The following SREBF2 variants were observed in gnomAD, a reference collection of about 807,000 sequenced individuals.
SREBF2 encodes sterol regulatory element-binding protein 2.
SREBF2 carries 55 observed loss-of-function variants against 113.1 expected under a neutral mutation model. The observed-to-expected ratio is 0.49, with a 90% CI of 0.39 to 0.61. The LOEUF (loss-of-function observed/expected upper bound fraction) is 0.61, where lower values mean the gene tolerates loss of function less well. Among genes scored for constraint, SREBF2 ranks in the 20% least tolerant of loss-of-function variants. The pLI, the probability that SREBF2 is intolerant of heterozygous loss-of-function variation, is 0.00. For synonymous variants in SREBF2, 593 were observed against 605.7 expected (o/e 0.98, Z 0.31); for missense variants, 1,349 against 1,487.4 (o/e 0.91, Z 1.53).
intron 1 of SREBF2, among the ~76,000 whole-genome samples, chr22:41,848,932 A>G (rs148065802): frequency 2.0e-4 from 30 of 152,294 alleles, no homozygotes; most frequent in African/African-American, 7.2e-4. Flanking sequence ...AAGATTATAT[A>G]ACACAGTGTG....
chr22:41,899,005 C>A, intron 15 of SREBF2: 2 of 669,054 alleles, frequency 3.0e-6, no homozygotes, highest in Non-Finnish European at 5.0e-6. Flanking sequence ...ACAGTTGTCC[C>A]AGCAGCTGTC....
intron 9 of SREBF2, among the ~76,000 whole-genome samples, chr22:41,880,122 G>T (rs1254050779): frequency 1.3e-5 from 2 of 152,338 alleles, no homozygotes; most frequent in East Asian, 3.9e-4. Context: ...TAGCCCTGGG[G>T]TAAGGTCCAA....
At chr22:41,889,609 C>G (rs1354238091) in intron 11 of SREBF2, among the ~76,000 whole-genome samples, 3 of 151,778 alleles carry the variant, frequency 2.0e-5, no homozygotes, top group Admixed American at 2.0e-4. Context: ...CTCCTGAAAC[C>G]ACGAGTTTGA....
At chr22:41,876,678 A>C (rs2077200495) in intron 7 of SREBF2, among the ~76,000 whole-genome samples, 1 of 152,178 alleles carries the variant, frequency 6.6e-6, no homozygotes, top group African/African-American at 2.4e-5. Context: ...TCTTTGATCA[A>C]CTTCATTGAG....
chr22:41,860,167 C>A (rs1409037308), intron 1 of SREBF2, among the ~76,000 whole-genome samples: 1 of 148,578 alleles, frequency 6.7e-6, no homozygotes, highest in Non-Finnish European at 1.5e-5. Context: ...AGAGAAATAA[C>A]AAAGTGGGGG....
intron 9 of SREBF2, among the ~76,000 whole-genome samples, chr22:41,879,341 T>A (rs2148394697): frequency 6.6e-6 from 1 of 152,366 alleles, no homozygotes; most frequent in Non-Finnish European, 1.5e-5. Context: ...TAGGCCATGT[T>A]GCCTGGAAAA....
chr22:41,848,337 G>A (rs1053281433), intron 1 of SREBF2, among the ~76,000 whole-genome samples: 1 of 151,872 alleles, frequency 6.6e-6, no homozygotes, highest in Admixed American at 6.6e-5. Context: ...TCCGCCCACC[G>A]TGGCCTCCCA....
chr22:41,873,726 A>G (rs2077166813), intron 4 of SREBF2, 72 bp from the exon 5 acceptor site: 2 of 1,484,340 alleles, frequency 1.3e-6, no homozygotes, highest in Non-Finnish European at 1.8e-6. Flanking sequence ...CAAAGCGGGC[A>G]GGTCTGTGTT....
intron 3 of SREBF2, among the ~76,000 whole-genome samples, chr22:41,869,336 C>T (rs965242512): frequency 2.0e-5 from 3 of 151,170 alleles, no homozygotes; most frequent in Non-Finnish European, 4.4e-5. Flanking sequence ...CCTTGTGATC[C>T]ACCCGCCTCG....
intron 1 of SREBF2, among the ~76,000 whole-genome samples, chr22:41,841,197 T>G (rs965388693): frequency 3.9e-5 from 6 of 152,156 alleles, no homozygotes; most frequent in African/African-American, 1.4e-4. Context: ...GAAACTGACT[T>G]CACATTTCTC....
chr22:41,871,125 G>A, intron 4 of SREBF2, 90 bp downstream of exon 4: 1 of 1,551,264 alleles, frequency 6.4e-7, no homozygotes, highest in Non-Finnish European at 8.9e-7. Context: ...TATATGCTGA[G>A]TAGGTATGGG....
chr22:41,901,185 C>T (rs1264721967), intron 16 of SREBF2, among the ~76,000 whole-genome samples: 4 of 152,166 alleles, frequency 2.6e-5, no homozygotes, highest in Non-Finnish European at 4.4e-5. Context: ...GGGAACATGT[C>T]CTTAGCTCCA....
chr22:41,838,132 G>A (rs899868081), intron 1 of SREBF2, among the ~76,000 whole-genome samples: 1 of 152,180 alleles, frequency 6.6e-6, no homozygotes, highest in South Asian at 2.1e-4. Flanking sequence ...AGCAAGGTGG[G>A]ATCCTCTTCC....
At chr22:41,838,594 AT>A (rs1205269988) in intron 1 of SREBF2, among the ~76,000 whole-genome samples, 1 of 152,102 alleles carries the variant, frequency 6.6e-6, no homozygotes, top group Non-Finnish European at 1.5e-5. Flanking sequence ...TTAGCCGGGC[AT>A]GATGGTGGGC....
At chr22:41,845,831 G>A (rs2076872454) in intron 1 of SREBF2, among the ~76,000 whole-genome samples, 1 of 152,176 alleles carries the variant, frequency 6.6e-6, no homozygotes, top group Non-Finnish European at 1.5e-5. Context: ...TAGGACAGAG[G>A]TTCTCAAACT....
Position 41,905,386 on chromosome 22 carries a change from C to G in SREBF2, c.3206-54C>G, listed in dbSNP as rs192225515. 225 of 1,507,412 alleles carry G rather than the reference C, an allele frequency of 1.5e-4. 1 individual carries two copies. The African/African-American group carries it at 2.5e-3, about 17-fold the overall frequency. The allele number at this position is 1,507,412 out of a possible 1,614,324, so 93.4% of individuals were successfully genotyped here. A position where few individuals can be genotyped will look rare whatever the true frequency, so the allele number is the denominator to read the frequency against. On this transcript the variant is annotated intron_variant, in intron 18 of 18. Coordinates refer to ENST00000361204, the MANE Select transcript of SREBF2 (RefSeq NM_004599.4). ...AATGAGTCCAGGTAACGCCAAGGAA[C>G]TGCACCAACTTCATGGTAGATTCTC... is the stretch of plus-strand genomic sequence containing the variant.
chr22:41,846,004 G>A (rs1289542847), intron 1 of SREBF2, among the ~76,000 whole-genome samples: 3 of 152,236 alleles, frequency 2.0e-5, no homozygotes, highest in Non-Finnish European at 4.4e-5. Context: ...GAGAGCAGCT[G>A]TGTTCCAGGC....
At chr22:41,899,277 G>C in intron 15 of SREBF2, 2 of 1,065,556 alleles carry the variant, frequency 1.9e-6, no homozygotes, top group Non-Finnish European at 2.3e-6. Flanking sequence ...ACTTTGTCCT[G>C]TAACTAAAAT....
intron 1 of SREBF2, among the ~76,000 whole-genome samples, chr22:41,864,239 TATATATATATATATATATATATAC>T (rs1201237157): frequency 3.5e-5 from 3 of 85,728 alleles, no homozygotes; most frequent in East Asian, 3.0e-4. Flanking sequence ...TATATATATA[TATATATATATATATATATATATAC>T]ACACACACAC....
Sources: gnomAD v4.1 joint callset for allele counts (sites outside exome capture counted in the v4.1 genomes callset) on GRCh38, gnomAD v4.1.1 for gene constraint, MANE v1.5 for transcripts, NCBI Gene and HGNC (gene_info 2026-07-23, HGNC 2026-07-21) for gene names.